The following LHX6 variants were observed in gnomAD, a reference collection of about 807,000 sequenced individuals.
LHX6 encodes the protein LIM homeobox 6, also known as LIM/homeobox protein Lhx6.
In LHX6, 15 loss-of-function variants were observed where a neutral mutation model predicts 47.1. That is an observed-to-expected ratio of 0.32 (90% confidence interval 0.21 to 0.49). The LOEUF is 0.49. LHX6 is among the 20% of genes least tolerant of loss of function. The pLI is 0.99. For missense variants in LHX6, 404 were observed against 539.6 expected (o/e 0.75, Z 2.49); for synonymous variants, 242 against 233.5 (o/e 1.04, Z -0.33).
Position 122,204,436 on chromosome 9 carries a change from A to G in LHX6, c.*324T>C. On this transcript the variant is annotated 3_prime_UTR_variant, in exon 10 of 10. Transcript: ENST00000394319. ...AAGGCCGTTGGCATCGCACAATTCA[A>G]TTCCGCCTTTTGTTATTGTAATCAG... The G allele has an allele frequency of 5.1e-6, 2 of 389,644 alleles. No homozygotes were observed. The highest frequency in any genetic ancestry group is 9.1e-6 in the Non-Finnish European group (2 of 220,026). The allele number at this position is 389,644 out of a possible 1,614,324, so 24.1% of individuals were successfully genotyped here. A position where few individuals can be genotyped will look rare whatever the true frequency, so the allele number is the denominator to read the frequency against.
Position 122,213,940 on chromosome 9 carries a change from C to T in LHX6, c.879+34G>A. 1.3e-6 allele frequency: 2 copies of T among 1,529,430 alleles called. No individual in the cohort carries two copies. Among genetic ancestry groups the T allele is most frequent in the Non-Finnish European group, 1.8e-6 (2 of 1,117,732 alleles). The allele number at this position is 1,529,430 out of a possible 1,614,324, so 94.7% of individuals were successfully genotyped here. A position where few individuals can be genotyped will look rare whatever the true frequency, so the allele number is the denominator to read the frequency against. On this transcript the variant is annotated intron_variant, in intron 7 of 9. Transcript: ENST00000394319. The surrounding 1 kb of genome is among the most constrained non-coding windows in gnomAD (Gnocchi z 5.5). ...CCAGCTACGAGCTCCGGGGCGTGCC[C>T]GCGGTCCCCAGGCCCCGCCCACCCC...
chr9:122,226,231 C>T lies in LHX6; in HGVS notation c.461+145G>A. ...GCTCTGGGTTCGCGCCGCTGAGCGC[C>T]GGCAGGTTGGACCAGCGCTGCGCGC... On this transcript the variant is annotated intron_variant, in intron 4 of 9. Coordinates refer to ENST00000394319, the MANE Select transcript of LHX6 (RefSeq NM_014368.5). This position sits in a 1 kb window ranked among gnomAD's most constrained non-coding sequence, Gnocchi z 6.5. 2.7e-6 allele frequency: 3 copies of T among 1,095,692 alleles called. No homozygotes were observed. Among genetic ancestry groups the T allele is most frequent in the Non-Finnish European group, 3.8e-6 (3 of 790,918 alleles). 67.9% of individuals were successfully genotyped at this position (1,095,692 alleles called of 1,614,324 possible).
At chr9:122,224,863 A>G (rs138253700) in intron 4 of LHX6, among the ~76,000 whole-genome samples, 13 of 152,304 alleles carry the variant, frequency 8.5e-5, no homozygotes, top group African/African-American at 2.6e-4. Flanking sequence ...CCCCAGCACT[A>G]CTGCACAGAT....
chr9:122,218,518 C>T (rs1183622238), intron 4 of LHX6, among the ~76,000 whole-genome samples: 1 of 152,140 alleles, frequency 6.6e-6, no homozygotes, highest in Non-Finnish European at 1.5e-5. Flanking sequence ...CATCATGCAA[C>T]CCTCACTGTC....
At position 122,227,037 on chromosome 9, in the gene LHX6, C is replaced by T; in HGVS notation, c.157-7G>A. On this transcript the variant is annotated splice_polypyrimidine_tract_variant and splice_region_variant and intron_variant, in intron 2 of 9. Coordinates refer to ENST00000394319, the MANE Select transcript of LHX6 (RefSeq NM_014368.5). ...CCTCGGCGTCAGACTGAGCCTGCGG[C>T]GGGGGAGAGAAGGAGAGGAGCGCTG... 2 of 1,473,162 alleles carry T rather than the reference C, an allele frequency of 1.4e-6. No individual in the cohort carries two copies. Among genetic ancestry groups the T allele is most frequent in the Non-Finnish European group, 1.8e-6 (2 of 1,110,324 alleles). 91.3% of individuals were successfully genotyped at this position (1,473,162 alleles called of 1,614,324 possible).
Position 122,228,763 on chromosome 9 carries a change from G to T in LHX6, c.-23C>A. On this transcript the variant is annotated 5_prime_UTR_variant, in exon 1 of 10. It adds an upstream start codon to the 5' untranslated region. Transcript: ENST00000394319. ...CATGGGCCGGGGAACCTCGGGCTCA[G>T]CGGGCGCGCAGCGCGGAGAGCTGCG... is the stretch of plus-strand genomic sequence containing the variant. 8.1e-7 allele frequency: 1 copy of T among 1,241,180 alleles called. No homozygotes were observed. 76.9% of individuals were successfully genotyped at this position (1,241,180 alleles called of 1,614,324 possible). A position where few individuals can be genotyped will look rare whatever the true frequency, so the allele number is the denominator to read the frequency against.
intron 9 of LHX6, among the ~76,000 whole-genome samples, chr9:122,207,323 A>C (rs1830220098): frequency 6.6e-6 from 1 of 152,200 alleles, no homozygotes; most frequent in South Asian, 2.1e-4. Context: ...CTGTGTACAC[A>C]ATGAAGTGCT....
At chr9:122,224,981 T>C (rs1011577765) in intron 4 of LHX6, among the ~76,000 whole-genome samples, 14 of 152,094 alleles carry the variant, frequency 9.2e-5, no homozygotes, top group African/African-American at 3.1e-4. Flanking sequence ...ATCCATCCCA[T>C]AAAGGAAGAG....
At chr9:122,221,931 C>T (rs907480981) in intron 4 of LHX6, among the ~76,000 whole-genome samples, 2 of 152,144 alleles carry the variant, frequency 1.3e-5, no homozygotes, top group African/African-American at 4.8e-5. Flanking sequence ...GCCCTGTGAC[C>T]TCATCTCTCA....
At position 122,214,580 on chromosome 9, in the gene LHX6, T is replaced by A; in HGVS notation, c.683-197A>T. On this transcript the variant is annotated intron_variant, in intron 5 of 9. Transcript: ENST00000394319. This position sits in a 1 kb window ranked among gnomAD's most constrained non-coding sequence, Gnocchi z 4.6. ...GAGCGTCCGCTTAGTACTGGACACTTCTTACACGACTGGACCACGTCTTAC... is the reference window on the plus strand; with the variant it reads ...GAGCGTCCGCTTAGTACTGGACACTACTTACACGACTGGACCACGTCTTAC... The A allele has an allele frequency of 3.1e-6, 1 of 318,278 alleles. No individual in the cohort carries two copies. Among genetic ancestry groups the A allele is most frequent in the Non-Finnish European group, 4.5e-6 (1 of 220,112 alleles). 19.7% of individuals were successfully genotyped at this position (318,278 alleles called of 1,614,324 possible). A position where few individuals can be genotyped will look rare whatever the true frequency, so the allele number is the denominator to read the frequency against.
chr9:122,228,376 T>G, intron 1 of LHX6: 1 of 1,523,738 alleles, frequency 6.6e-7, no homozygotes, highest in Non-Finnish European at 8.7e-7. Flanking sequence ...TCAGCGCCTA[T>G]TCAGACGGAC....
rs76075459 is a variant in LHX6, at chr9:122,207,571, G to A, written c.1158+2043C>T. 1.6e-4 allele frequency among the ~76,000 whole-genome samples: 24 copies of A among 152,286 alleles called. 1 individual carries two copies. Among genetic ancestry groups the A allele is most frequent in the Middle Eastern group, 6.8e-3 (2 of 294 alleles). ...TTCCTATGGATGTGACAGTCTCAGC[G>A]GCGATGGTGTTCCTGGGGCATGCTC... On this transcript the variant is annotated intron_variant, in intron 9 of 9. Transcript: ENST00000394319.
chr9:122,220,509 C>T (rs1413325065), intron 4 of LHX6, among the ~76,000 whole-genome samples: 2 of 152,220 alleles, frequency 1.3e-5, no homozygotes, highest in Admixed American at 6.5e-5. Flanking sequence ...GCTGCGAGGC[C>T]GGAGCCACTG....
At chr9:122,222,881 G>A (rs1034784691) in intron 4 of LHX6, among the ~76,000 whole-genome samples, 4 of 152,168 alleles carry the variant, frequency 2.6e-5, no homozygotes, top group African/African-American at 9.7e-5. Context: ...GCCCCGTTGG[G>A]AGCTCTTGGC....
chr9:122,209,559 A>G, intron 9 of LHX6, 55 bp downstream of exon 9: 1 of 1,610,876 alleles, frequency 6.2e-7, no homozygotes, highest in South Asian at 1.1e-5. Flanking sequence ...GCTGCCAGAA[A>G]CCCATCCCCA....
In LHX6 at chr9:122,213,567, C is replaced by A. The variant is rs550936469; in HGVS notation, c.1054+39G>T. On this transcript the variant is annotated intron_variant, in intron 8 of 9. Transcript: ENST00000394319. The surrounding 1 kb of genome is among the most constrained non-coding windows in gnomAD (Gnocchi z 5.5). ...CACGTGCGCTCCTCCGCGCCCCCTCCCCGCAGGCCCAGCGGCTCCCGGCGC... is the reference window on the plus strand; with the variant it reads ...CACGTGCGCTCCTCCGCGCCCCCTCACCGCAGGCCCAGCGGCTCCCGGCGC... The A allele has an allele frequency of 6.6e-7, 1 of 1,511,410 alleles. No homozygotes were observed. Among genetic ancestry groups the A allele is most frequent in the African/African-American group, 1.4e-5 (1 of 72,306 alleles). The allele number at this position is 1,511,410 out of a possible 1,614,324, so 93.6% of individuals were successfully genotyped here.
Position 122,214,973 on chromosome 9 carries a change from TG to T in LHX6, c.683-591del, listed in dbSNP as rs1830540715. ...AAACAATCATATGTTGCCTTACTTC[TG>T]TAAGGTTTAATTTTGTTAACCGGCG... On this transcript the variant is annotated intron_variant, in intron 5 of 9. Coordinates refer to ENST00000394319, the MANE Select transcript of LHX6 (RefSeq NM_014368.5). This position sits in a 1 kb window ranked among gnomAD's most constrained non-coding sequence, Gnocchi z 4.6. 6.6e-6 allele frequency among the ~76,000 whole-genome samples: 1 copy of T among 152,252 alleles called. No homozygotes were observed. The highest frequency in any genetic ancestry group is 2.4e-5 in the African/African-American group (1 of 41,470).
chr9:122,225,304 C>T (rs548880663), intron 4 of LHX6, among the ~76,000 whole-genome samples: 7 of 152,368 alleles, frequency 4.6e-5, no homozygotes, highest in African/African-American at 1.7e-4. Context: ...AAGCATCCCT[C>T]TCAGGAAGTG....
At position 122,228,742 on chromosome 9, in the gene LHX6, G is replaced by T; in HGVS notation, c.-2C>A. The T allele has an allele frequency of 7.9e-7, 1 of 1,265,974 alleles. No homozygotes were observed. 78.4% of individuals were successfully genotyped at this position (1,265,974 alleles called of 1,614,324 possible). Reference sequence around the variant, plus strand: ...GGCGTTCTCATGCTTCCAGTACATGGGCCGGGGAACCTCGGGCTCAGCGGG... The same window carrying T: ...GGCGTTCTCATGCTTCCAGTACATGTGCCGGGGAACCTCGGGCTCAGCGGG... On this transcript the variant is annotated 5_prime_UTR_variant, in exon 1 of 10. Coordinates refer to ENST00000394319, the MANE Select transcript of LHX6 (RefSeq NM_014368.5).
Sources: gnomAD v4.1 joint callset for allele counts (sites outside exome capture counted in the v4.1 genomes callset) on GRCh38, gnomAD v4.1.1 for gene constraint, Gnocchi (gnomAD v3.1) non-coding constraint, MANE v1.5 for transcripts, NCBI Gene and HGNC (gene_info 2026-07-23, HGNC 2026-07-21) for gene names.